APC: variants seen among roughly 807,000 people sequenced by gnomAD.
The protein encoded by APC is adenomatous polyposis coli protein.
A neutral mutation model predicts 247.0 loss-of-function variants in APC; 72 were observed. That is an observed-to-expected ratio of 0.29 (90% CI 0.24 to 0.35). The LOEUF is 0.35. Among genes scored for constraint, APC ranks in the 10% least tolerant of loss-of-function variants. The pLI, the probability that APC is intolerant of heterozygous loss-of-function variation, is 1.00. For synonymous variants in APC, 1,254 were observed against 1,162.5 expected, an observed-to-expected ratio of 1.08 and a Z score of -1.60; for missense variants, 3,400 against 3,360.7, an observed-to-expected ratio of 1.01 and a Z score of -0.29.
In APC at chr5:112,843,983, A is replaced by G. The variant is rs147287751; in HGVS notation, c.8389A>G (p.Ser2797Gly). The G allele has an allele frequency of 8.4e-5, 135 of 1,601,990 alleles. No homozygotes were observed. Among genetic ancestry groups the G allele is most frequent in the Non-Finnish European group, 9.5e-5 (112 of 1,174,856 alleles). Residue 2797 changes from serine (S) to glycine (G), a missense_variant, in exon 16 of 16, where the codon AGC becomes GGC. Ser to Gly is a moderately conservative substitution (Grantham distance 56). This residue lies in a region of APC where 1,788 missense variants were observed against 1,649.5 expected (regional missense o/e 1.08). Transcript: ENST00000257430. This position sits in a 1 kb window ranked among gnomAD's most constrained non-coding sequence, Gnocchi z 4.8. ...NPSPRKSSADSTSARPSQIPT... is the reference protein window; with the variant it reads ...NPSPRKSSADGTSARPSQIPT... ...AAGCCCTAGGAAAAGCAGCGCAGATAGCACTTCAGCTCGGCCATCTCAGAT... is the reference window on the plus strand; with the variant it reads ...AAGCCCTAGGAAAAGCAGCGCAGATGGCACTTCAGCTCGGCCATCTCAGAT...
At chr5:112,817,682 T>C (rs900575732) in intron 9 of APC, among the ~76,000 whole-genome samples, 5 of 152,204 alleles carry the variant, frequency 3.3e-5, no homozygotes, top group Admixed American at 2.6e-4. Context: ...ATGATAATAT[T>C]AAGACCCTAG....
intron 9 of APC, among the ~76,000 whole-genome samples, chr5:112,818,468 C>T (rs191505192): frequency 2.2e-4 from 34 of 151,972 alleles, no homozygotes; most frequent in Non-Finnish European, 3.5e-4. Context: ...TATCATCTGA[C>T]GAGAATTAAT....
intron 6 of APC, among the ~76,000 whole-genome samples, chr5:112,787,936 GTA>G (rs550678703): frequency 1.3e-5 from 2 of 152,070 alleles, no homozygotes; most frequent in Non-Finnish European, 2.9e-5. Flanking sequence ...ATATATGTGT[GTA>G]TGTGTATTAT....
intron 1 of APC, among the ~76,000 whole-genome samples, chr5:112,722,001 A>G (rs1417117730): frequency 6.6e-6 from 1 of 152,216 alleles, no homozygotes; most frequent in Non-Finnish European, 1.5e-5. Context: ...TAGACCCTTC[A>G]GTATCCTATT....
intron 11 of APC, among the ~76,000 whole-genome samples, chr5:112,826,358 C>T (rs1177113475): frequency 6.6e-6 from 1 of 151,788 alleles, no homozygotes; most frequent in Non-Finnish European, 1.5e-5. Context: ...TTAACTGCTT[C>T]CTTTGTGTCT....
At position 112,843,075 on chromosome 5, in the gene APC, C is replaced by A. The variant is rs1580683136; in HGVS notation, c.7481C>A (p.Ser2494Tyr). 6.2e-7 allele frequency: 1 copy of A among 1,613,988 alleles called. No individual in the cohort carries two copies. Among genetic ancestry groups the A allele is most frequent in the Non-Finnish European group, 8.5e-7 (1 of 1,179,846 alleles). ...CCTTCCCTTCCTGATATGTCTCTATCCACACATTCGTCTGTTCAGGCTGGT... is the reference window on the plus strand; with the variant it reads ...CCTTCCCTTCCTGATATGTCTCTATACACACATTCGTCTGTTCAGGCTGGT... ...LSPSLPDMSLSTHSSVQAGGW... is the reference protein window; with the variant it reads ...LSPSLPDMSLYTHSSVQAGGW... Residue 2494 changes from serine (S) to tyrosine (Y), a missense_variant, in exon 16 of 16, where the codon TCC becomes TAC. Ser to Tyr is a moderately radical substitution (Grantham distance 144). Transcript: ENST00000257430. The surrounding 1 kb of genome is among the most constrained non-coding windows in gnomAD (Gnocchi z 4.8).
chr5:112,805,387 C>G (rs1761270365), intron 8 of APC, among the ~76,000 whole-genome samples: 1 of 152,002 alleles, frequency 6.6e-6, no homozygotes, highest in Admixed American at 6.6e-5. Flanking sequence ...AAATCAGGGC[C>G]CGGTATTCAT....
At chr5:112,754,224 A>G (rs909267857) in intron 1 of APC, among the ~76,000 whole-genome samples, 1 of 152,224 alleles carries the variant, frequency 6.6e-6, no homozygotes, top group Non-Finnish European at 1.5e-5. Flanking sequence ...TTTTGAATAA[A>G]TGTGATTGAA....
intron 2 of APC, among the ~76,000 whole-genome samples, chr5:112,759,886 C>G (rs767194209): frequency 2.6e-5 from 4 of 151,926 alleles, no homozygotes; most frequent in Middle Eastern, 3.2e-3. Flanking sequence ...CTTTTAAAAA[C>G]TCTTCAAAAT....
At position 112,827,237 on chromosome 5, in the gene APC, T is replaced by A. The variant is rs876658167; in HGVS notation, c.1538T>A (p.Val513Glu). The change falls in exon 12 of 16, where the codon GTA becomes GAA. Residue 513 changes from valine (V) to glutamate (E), a missense_variant. This residue lies in a region of APC where 184 missense variants were observed against 248.0 expected (regional missense o/e 0.74). Coordinates refer to ENST00000257430, the MANE Select transcript of APC (RefSeq NM_000038.6). ...MALTNLTFGD[V>E]ANKATLCSMK... ...TTGACAAACTTGACTTTTGGAGATG[T>A]AGCCAACAAGGTATGTTTTTATAAC... 1 of 1,613,878 alleles carries A rather than the reference T, an allele frequency of 6.2e-7. No individual in the cohort carries two copies.
chr5:112,844,673 A>G lies in APC; in HGVS notation c.*547A>G. ...ACTGCATGAATGAAACTGATGGTTCAATTTCAGAAGTAATGATTAACAGTT... is the reference window on the plus strand; with the variant it reads ...ACTGCATGAATGAAACTGATGGTTCGATTTCAGAAGTAATGATTAACAGTT... On this transcript the variant is annotated 3_prime_UTR_variant, in exon 16 of 16. Coordinates refer to ENST00000257430, the MANE Select transcript of APC (RefSeq NM_000038.6). 1 of 233,184 alleles carries G rather than the reference A, an allele frequency of 4.3e-6. No individual in the cohort carries two copies. The highest frequency in any genetic ancestry group is 8.5e-6 in the Non-Finnish European group (1 of 117,948). The allele number at this position is 233,184 out of a possible 1,614,324, so 14.4% of individuals were successfully genotyped here.
At chr5:112,715,812 C>G (rs962380186) in intron 1 of APC, among the ~76,000 whole-genome samples, 4 of 151,958 alleles carry the variant, frequency 2.6e-5, no homozygotes, top group African/African-American at 9.7e-5. Flanking sequence ...ATTATTAATT[C>G]AATGTATTGT....
rs1561462586 is a variant in APC at position 112,766,424 on chromosome 5, AG to A, written c.220+16del. On this transcript the variant is annotated intron_variant, in intron 3 of 15. Coordinates refer to ENST00000257430, the MANE Select transcript of APC (RefSeq NM_000038.6). ...AGCGTCTTAAAGGTAGATTTTAAAA[AG>A]GTGTTTTAAAATAATTTTTTAAGCT... is the stretch of plus-strand genomic sequence containing the variant. The A allele has an allele frequency of 6.3e-7, 1 of 1,575,648 alleles. No homozygotes were observed. Among genetic ancestry groups the A allele is most frequent in the Non-Finnish European group, 8.7e-7 (1 of 1,145,366 alleles).
chr5:112,834,153 G>A (rs1356470781), intron 14 of APC, among the ~76,000 whole-genome samples: 1 of 151,130 alleles, frequency 6.6e-6, no homozygotes, highest in African/African-American at 2.4e-5. Context: ...TGTTGTCCAG[G>A]CTGGTCTCAA....
chr5:112,749,479 A>AT (rs536428390), intron 1 of APC, among the ~76,000 whole-genome samples: 43,344 of 104,056 alleles, frequency 0.42, 10,928 homozygotes, highest in East Asian at 0.56. Context: ...TACTGCTCCA[A>AT]TTTTTTTTTT....
chr5:112,776,763 C>A (rs1241346687), intron 5 of APC, among the ~76,000 whole-genome samples: 2 of 152,040 alleles, frequency 1.3e-5, no homozygotes, highest in African/African-American at 4.8e-5. Flanking sequence ...AGCACTTGAA[C>A]CTGGGAGGCA....
At position 112,792,552 on chromosome 5, in the gene APC, T is replaced by C. The variant is rs75111475; in HGVS notation, c.729+23T>C. 989 of 1,565,148 alleles carry C rather than the reference T, an allele frequency of 6.3e-4. 7 individuals are homozygous for C. In the African/African-American group the frequency reaches 0.012, roughly 19 times the overall value. ...GAGGTTAGTAAATTGCCTTTCTTGT[T>C]TGTGGGTATAAAAATAGGTAGTTAT... is the stretch of plus-strand genomic sequence containing the variant. On this transcript the variant is annotated intron_variant, in intron 7 of 15. Coordinates refer to ENST00000257430, the MANE Select transcript of APC (RefSeq NM_000038.6).
intron 1 of APC, among the ~76,000 whole-genome samples, chr5:112,741,865 AC>A (rs1158167697): frequency 6.6e-6 from 1 of 152,122 alleles, no homozygotes; most frequent in African/African-American, 2.4e-5. Context: ...AATAAGAAAA[AC>A]CATTTAATAT....
chr5:112,752,108 A>G (rs1754451510), intron 1 of APC, among the ~76,000 whole-genome samples: 1 of 151,964 alleles, frequency 6.6e-6, no homozygotes. Context: ...CTAGTAAATT[A>G]TTTTGGGTTT....
Sources: allele counts gnomAD v4.1 joint callset (sites outside exome capture counted in the v4.1 genomes callset), GRCh38; gene constraint gnomAD v4.1.1; regional missense constraint gnomAD v4.1.1; non-coding constraint Gnocchi (gnomAD v3.1); transcripts MANE v1.5; gene names NCBI Gene and HGNC (gene_info 2026-07-23, HGNC 2026-07-21).